Variants in GPR161 observed in about 807,000 individuals in gnomAD.
GPR161 encodes G protein-coupled receptor 161, also known as G-protein coupled receptor RE2.
GPR161 carries 25 observed loss-of-function variants against 39.2 expected under a neutral mutation model. The observed-to-expected ratio is 0.64, with a 90% CI of 0.47 to 0.89. The LOEUF is 0.89. Ranked by LOEUF, GPR161 falls within the 40% of genes least tolerant of loss-of-function variation. The pLI is 0.00. For missense variants in GPR161, 547 were observed against 677.8 expected (o/e 0.81, Z 2.14); for synonymous variants, 286 against 276.6 (o/e 1.03, Z -0.34).
rs1695735917 is a variant in GPR161 at position 168,098,203 on chromosome 1, C to T, written c.375-971G>A. 6.6e-6 allele frequency among the ~76,000 whole-genome samples: 1 copy of T among 152,210 alleles called. No individual in the cohort carries two copies. Among genetic ancestry groups the T allele is most frequent in the African/African-American group, 2.4e-5 (1 of 41,450 alleles). On this transcript the variant is annotated intron_variant, in intron 2 of 5. Coordinates refer to ENST00000682931, the MANE Select transcript of GPR161 (RefSeq NM_001375883.1). This position sits in a 1 kb window ranked among gnomAD's most constrained non-coding sequence, Gnocchi z 4.1. ...GAGGTATGGAGTTGTGAGTGAGCAC[C>T]AGCTCAGCAGGGAGGCTGCATGGAG...
At chr1:168,105,561 A>G (rs1696527741) in intron 1 of GPR161, among the ~76,000 whole-genome samples, 1 of 152,242 alleles carries the variant, frequency 6.6e-6, no homozygotes, top group Admixed American at 6.5e-5. Flanking sequence ...AGCAGGGATT[A>G]ATCAGGTACA....
rs139566581 is a variant in GPR161 at position 168,096,895 on chromosome 1, C to T, written c.712G>A (p.Gly238Arg). Residue 238 changes from glycine (G) to arginine (R), a missense_variant, in exon 3 of 6, where the codon GGG (glycine) becomes AGG (arginine). By Grantham distance (125) the Gly-to-Arg change is moderately radical (BLOSUM62 -2). Coordinates refer to ENST00000682931, the MANE Select transcript of GPR161 (RefSeq NM_001375883.1). Reference sequence around the variant, plus strand: ...GTGGAGGTGCTGGAGTTCTTCCTCCCGGTCCTCTGAGCATCCTCCTCCACG... The same window carrying T: ...GTGGAGGTGCTGGAGTTCTTCCTCCTGGTCCTCTGAGCATCCTCCTCCACG... The part of the protein sequence containing the change: ...VIVEEDAQRT[G>R]RKNSSTSTSS... 134 of 1,614,126 alleles carry T rather than the reference C, an allele frequency of 8.3e-5. No individual in the cohort carries two copies. Among genetic ancestry groups the T allele is most frequent in the South Asian group, 1.2e-4 (11 of 91,082 alleles).
chr1:168,136,587 G>A (rs1699394253), intron 1 of GPR161, 152 bp downstream of exon 1: 3 of 1,234,956 alleles, frequency 2.4e-6, no homozygotes, highest in South Asian at 7.8e-5. Context: ...ACCTCCGAGA[G>A]GGGCGCGGGG....
chr1:168,119,914 G>T (rs1698021414), intron 1 of GPR161, among the ~76,000 whole-genome samples: 1 of 152,136 alleles, frequency 6.6e-6, no homozygotes, highest in Admixed American at 6.5e-5. Flanking sequence ...AGGATGTATG[G>T]AAATGCCTGA....
At chr1:168,106,465 C>T (rs1204485272) in intron 1 of GPR161, among the ~76,000 whole-genome samples, 1 of 152,194 alleles carries the variant, frequency 6.6e-6, no homozygotes, top group East Asian at 1.9e-4. Context: ...TCGTACATTC[C>T]TGTACTCCCA....
intron 2 of GPR161, among the ~76,000 whole-genome samples, chr1:168,103,051 T>C (rs1696258092): frequency 6.6e-6 from 1 of 152,184 alleles, no homozygotes; most frequent in Non-Finnish European, 1.5e-5. Context: ...ACTGAGAATA[T>C]AGCAATTACA....
At chr1:168,101,489 C>T (rs980015766) in intron 2 of GPR161, among the ~76,000 whole-genome samples, 3 of 152,156 alleles carry the variant, frequency 2.0e-5, no homozygotes, top group Non-Finnish European at 2.9e-5. Flanking sequence ...CCCTGAGCTA[C>T]GCTAGCTGGC....
Position 168,104,861 on chromosome 1 carries a change from C to A in GPR161, c.-11G>T. 1 of 1,612,092 alleles carries A rather than the reference C, an allele frequency of 6.2e-7. No individual in the cohort carries two copies. The highest frequency in any genetic ancestry group is 8.5e-7 in the Non-Finnish European group (1 of 1,178,454). The stretch of plus-strand genomic sequence containing the variant: ...GGAGTTGAGGCTCATGGTCAGTGCA[C>A]CTCGGCGTGGGGTGGGCAGAGCATG... On this transcript the variant is annotated 5_prime_UTR_variant, in exon 2 of 6. Coordinates refer to ENST00000682931, the MANE Select transcript of GPR161 (RefSeq NM_001375883.1).
chr1:168,130,340 T>C (rs1026742565), intron 1 of GPR161, among the ~76,000 whole-genome samples: 7 of 152,232 alleles, frequency 4.6e-5, no homozygotes, highest in Non-Finnish European at 2.9e-5. Flanking sequence ...AACAACAGTG[T>C]TGCTGAAACA....
rs146996785 is a variant in GPR161, at chr1:168,097,901, G to C, written c.375-669C>G. ...ACACACCCCAGACCCATGGGAGAAA[G>C]ACAGAAAGCCAGGCGATCTGACTCT... On this transcript the variant is annotated intron_variant, in intron 2 of 5. Coordinates refer to ENST00000682931, the MANE Select transcript of GPR161 (RefSeq NM_001375883.1). 5.0e-3 allele frequency among the ~76,000 whole-genome samples: 762 copies of C among 152,228 alleles called. 5 individuals carry two copies. Among genetic ancestry groups the C allele is most frequent in the African/African-American group, 0.017 (715 of 41,480 alleles).
chr1:168,135,844 G>A (rs537140153), intron 1 of GPR161, among the ~76,000 whole-genome samples: 6 of 152,258 alleles, frequency 3.9e-5, no homozygotes, highest in Non-Finnish European at 8.8e-5. Context: ...GCTTCACCGG[G>A]AGGTGGATCA....
upstream of GPR161, chr1:168,137,306 G>T (rs1171135934): frequency 4.6e-6 from 7 of 1,530,748 alleles, no homozygotes; most frequent in African/African-American, 8.2e-5. Flanking sequence ...GACACTTTCA[G>T]ATTCTTCCCG....
intron 1 of GPR161, among the ~76,000 whole-genome samples, chr1:168,117,932 A>C (rs1393223417): frequency 1.3e-5 from 2 of 152,208 alleles, no homozygotes; most frequent in African/African-American, 4.8e-5. Context: ...AGATGTAGTA[A>C]GTATAAAGCA....
rs1030264568 is a variant in GPR161 at position 168,083,672 on chromosome 1, C to G, written c.*1859G>C. 6.6e-6 allele frequency: 1 copy of G among 152,314 alleles called. No homozygotes were observed. The highest frequency in any genetic ancestry group is 2.4e-5 in the African/African-American group (1 of 41,452). The allele number at this position is 152,314 out of a possible 1,614,324, so 9.4% of individuals were successfully genotyped here. ...TCTGACCTGCACAGGTGAACCTGCC[C>G]TCTGCTCCTTCCCACTCCCATCCAG... On this transcript the variant is annotated 3_prime_UTR_variant, in exon 6 of 6. Coordinates refer to ENST00000682931, the MANE Select transcript of GPR161 (RefSeq NM_001375883.1).
chr1:168,136,801 C>G lies in GPR161; in HGVS notation c.-107G>C. On this transcript the variant is annotated 5_prime_UTR_variant, in exon 1 of 6. Coordinates refer to ENST00000682931, the MANE Select transcript of GPR161 (RefSeq NM_001375883.1). ...AGCCGCCTCCCCGCCTCGGCCACCG[C>G]CGCCGCCGCTTCCTTCCTCCCCGCC... 1.0e-6 allele frequency: 1 copy of G among 985,872 alleles called. No homozygotes were observed. Among genetic ancestry groups the G allele is most frequent in the Non-Finnish European group, 1.2e-6 (1 of 830,574 alleles). The allele number at this position is 985,872 out of a possible 1,614,324, so 61.1% of individuals were successfully genotyped here.
chr1:168,101,876 G>A (rs1371725446), intron 2 of GPR161, among the ~76,000 whole-genome samples: 1 of 151,240 alleles, frequency 6.6e-6, no homozygotes, highest in Non-Finnish European at 1.5e-5. Context: ...GCATGATCTC[G>A]GCTCACTGCA....
intron 1 of GPR161, among the ~76,000 whole-genome samples, chr1:168,113,523 G>A (rs1009062632): frequency 2.0e-5 from 3 of 152,144 alleles, no homozygotes; most frequent in Non-Finnish European, 4.4e-5. Context: ...ACGGCTTCAG[G>A]TCATTCAAAG....
rs35900694 is a variant in GPR161 at position 168,100,210 on chromosome 1, CAAAAAAAAA to C, written c.375-2987_375-2979del. ...TGGGTGACAGAGCAAGACCCTGTCT[CAAAAAAAAA>C]AAAAAAAAAAAAAAGGATATAGAAC... On this transcript the variant is annotated intron_variant, in intron 2 of 5. Coordinates refer to ENST00000682931, the MANE Select transcript of GPR161 (RefSeq NM_001375883.1). Among the ~76,000 whole-genome samples, 5 of 54,834 alleles carry C rather than the reference CAAAAAAAAA, an allele frequency of 9.1e-5. No homozygotes were observed. In the East Asian group the frequency reaches 1.8e-3, roughly 20 times the overall value. The allele number at this position is 54,834 out of a possible 152,430, so 36.0% of individuals were successfully genotyped here. A position where few individuals can be genotyped will look rare whatever the true frequency, so the allele number is the denominator to read the frequency against.
intron 1 of GPR161, among the ~76,000 whole-genome samples, chr1:168,118,197 C>T (rs759339367): frequency 1.3e-5 from 2 of 152,096 alleles, no homozygotes; most frequent in African/African-American, 4.8e-5. Flanking sequence ...AGTAAAAAGA[C>T]GACAACCCAC....
Sources: gnomAD v4.1 joint callset for allele counts (sites outside exome capture counted in the v4.1 genomes callset) on GRCh38, gnomAD v4.1.1 for gene constraint, Gnocchi (gnomAD v3.1) non-coding constraint, MANE v1.5 for transcripts, NCBI Gene and HGNC (gene_info 2026-07-23, HGNC 2026-07-21) for gene names.